The following FBXO21 variants were observed in gnomAD, a reference collection of about 807,000 sequenced individuals.
FBXO21 encodes F-box only protein 21.
Under a neutral mutation model 76.6 loss-of-function variants are expected in FBXO21, and 32 were observed. The ratio of observed to expected loss-of-function variants is 0.42; its 90% confidence interval spans 0.32 to 0.56. The LOEUF is 0.56. Among genes scored for constraint, FBXO21 ranks in the 20% least tolerant of loss-of-function variants. FBXO21 has a pLI of 0.16. For synonymous variants in FBXO21, 328 were observed against 311.5 expected (o/e 1.05, Z -0.56); for missense variants, 586 against 797.3 (o/e 0.73, Z 3.19).
chr12:117,149,144 G>A (rs547529608), intron 11 of FBXO21, among the ~76,000 whole-genome samples: 106 of 152,124 alleles, frequency 7.0e-4, no homozygotes, highest in Non-Finnish European at 1.0e-3. Context: ...CAGGCCACCT[G>A]CCAGGGCCCT....
At position 117,158,073 on chromosome 12, in the gene FBXO21, A is replaced by G; in HGVS notation, c.1327-10T>C. 6.2e-7 allele frequency: 1 copy of G among 1,613,894 alleles called. No homozygotes were observed. Among genetic ancestry groups the G allele is most frequent in the Non-Finnish European group, 8.5e-7 (1 of 1,179,910 alleles). On this transcript the variant is annotated splice_polypyrimidine_tract_variant and intron_variant, in intron 9 of 11. Coordinates refer to ENST00000622495, the MANE Select transcript of FBXO21 (RefSeq NM_015002.3). Reference sequence around the variant, plus strand: ...GGAGGATGTCAAGCACCTTCAAAACAAGACAGAAAGACTAAAAGATAATAT... The same window carrying G: ...GGAGGATGTCAAGCACCTTCAAAACGAGACAGAAAGACTAAAAGATAATAT...
chr12:117,172,809 C>T (rs1270419853), intron 6 of FBXO21, among the ~76,000 whole-genome samples: 1 of 152,010 alleles, frequency 6.6e-6, no homozygotes, highest in Non-Finnish European at 1.5e-5. Flanking sequence ...TTTTGTACAG[C>T]CTGTGTAAGA....
At chr12:117,177,733 C>T in intron 3 of FBXO21, 92 bp from the exon 4 acceptor site, 1 of 1,034,872 alleles carries the variant, frequency 9.7e-7, no homozygotes, top group South Asian at 1.6e-5. Flanking sequence ...GTTTGCTTAA[C>T]AAGAAAAATA....
chr12:117,147,423 A>C (rs1353781324), intron 11 of FBXO21, among the ~76,000 whole-genome samples: 1 of 150,774 alleles, frequency 6.6e-6, no homozygotes, highest in Non-Finnish European at 1.5e-5. Flanking sequence ...AGATGGTAAA[A>C]CTCCATCTCT....
In FBXO21 at chr12:117,145,321, C is replaced by G. The variant is rs1343924262; in HGVS notation, c.*766G>C. 1.3e-5 allele frequency: 2 copies of G among 151,652 alleles called. No individual in the cohort carries two copies. Among genetic ancestry groups the G allele is most frequent in the Non-Finnish European group, 2.9e-5 (2 of 67,918 alleles). The allele number at this position is 151,652 out of a possible 1,614,324, so 9.4% of individuals were successfully genotyped here. On this transcript the variant is annotated 3_prime_UTR_variant, in exon 12 of 12. Coordinates refer to ENST00000622495, the MANE Select transcript of FBXO21 (RefSeq NM_015002.3). ...AATTGTAGATGAGTATGGAAAAATCCATTCACAAAGTTCACTATTTGCATT... is the reference window on the plus strand; with the variant it reads ...AATTGTAGATGAGTATGGAAAAATCGATTCACAAAGTTCACTATTTGCATT...
intron 3 of FBXO21, among the ~76,000 whole-genome samples, chr12:117,179,427 T>C (rs1592893652): frequency 1.3e-5 from 2 of 152,188 alleles, no homozygotes; most frequent in East Asian, 3.9e-4. Flanking sequence ...CTTCTAAATC[T>C]CTTAATCTAC....
intron 2 of FBXO21, chr12:117,188,713 G>C (rs891482036): frequency 2.0e-5 from 3 of 150,874 alleles, no homozygotes; most frequent in African/African-American, 7.3e-5. Flanking sequence ...ATTCATTTCA[G>C]GGAGTAATAA....
intron 9 of FBXO21, among the ~76,000 whole-genome samples, chr12:117,162,700 A>G (rs1955995872): frequency 6.6e-6 from 1 of 152,114 alleles, no homozygotes; most frequent in Non-Finnish European, 1.5e-5. Context: ...TCTCCCTTTC[A>G]CTTGATAAAC....
chr12:117,164,262 ATCTTTTCTTTTCTTTTT>A lies in FBXO21; in HGVS notation c.1326+1206_1326+1222del, dbSNP rs1956021930. 2.0e-5 allele frequency among the ~76,000 whole-genome samples: 3 copies of A among 148,354 alleles called. No homozygotes were observed. The South Asian group carries it at 6.4e-4, about 31-fold the overall frequency. On this transcript the variant is annotated intron_variant, in intron 9 of 11. Transcript: ENST00000622495. ...ATTTTCTATGTGGGCTACAGATGACATCTTTTCTTTTCTTTTTTTTTTTTTTTTTTTTGAGACAGAGT... is the reference window on the plus strand; with the variant it reads ...ATTTTCTATGTGGGCTACAGATGACATTTTTTTTTTTTTTTGAGACAGAGT...
intron 2 of FBXO21, among the ~76,000 whole-genome samples, chr12:117,188,397 T>G (rs563452850): frequency 1.3e-5 from 2 of 152,082 alleles, no homozygotes; most frequent in Admixed American, 6.5e-5. Context: ...ATACAAAAAT[T>G]ATCCAGGTAT....
At chr12:117,178,598 C>G (rs1485264283) in intron 3 of FBXO21, among the ~76,000 whole-genome samples, 1 of 152,028 alleles carries the variant, frequency 6.6e-6, no homozygotes, top group Non-Finnish European at 1.5e-5. Context: ...CCTGCCACTC[C>G]CCCTCAGTCC....
At chr12:117,187,275 C>T (rs1178208638) in intron 2 of FBXO21, among the ~76,000 whole-genome samples, 1 of 147,158 alleles carries the variant, frequency 6.8e-6, no homozygotes, top group African/African-American at 2.5e-5. Context: ...ACAAAATTAG[C>T]CAGGCGTAGT....
intron 8 of FBXO21, among the ~76,000 whole-genome samples, chr12:117,166,058 C>T (rs779142662): frequency 2.0e-4 from 31 of 151,978 alleles, no homozygotes; most frequent in Admixed American, 1.3e-3. Context: ...GGCGTGGTGG[C>T]GCATGCCTGT....
chr12:117,168,234 G>C (rs1230137895), intron 7 of FBXO21, among the ~76,000 whole-genome samples: 1 of 152,140 alleles, frequency 6.6e-6, no homozygotes, highest in African/African-American at 2.4e-5. Flanking sequence ...CCTACCCTTA[G>C]CAAGGATATA....
intron 7 of FBXO21, among the ~76,000 whole-genome samples, chr12:117,168,549 A>T (rs1303536961): frequency 6.6e-6 from 1 of 152,060 alleles, no homozygotes. Flanking sequence ...AATAAAATAA[A>T]TAAACCTATG....
At chr12:117,147,419 T>C (rs928121965) in intron 11 of FBXO21, among the ~76,000 whole-genome samples, 1 of 148,544 alleles carries the variant, frequency 6.7e-6, no homozygotes, top group Admixed American at 6.7e-5. Context: ...GCCAAGATGG[T>C]AAAACTCCAT....
intron 7 of FBXO21, among the ~76,000 whole-genome samples, chr12:117,167,581 C>CTACTAAAAA (rs112801775): frequency 0.2 from 30,143 of 151,690 alleles, 3,369 homozygotes; most frequent in East Asian, 0.42. Context: ...AACCCGGTCT[C>CTACTAAAAA]TACAAAAAAA....
At chr12:117,190,028 A>G (rs1381621823) in intron 1 of FBXO21, among the ~76,000 whole-genome samples, 190 bp downstream of exon 1, 1 of 151,870 alleles carries the variant, frequency 6.6e-6, no homozygotes, top group Non-Finnish European at 1.5e-5. Flanking sequence ...CCATTTGGGG[A>G]CCCGGGGGTC....
intron 11 of FBXO21, among the ~76,000 whole-genome samples, chr12:117,153,296 C>T (rs184651950): frequency 9.9e-5 from 15 of 152,238 alleles, no homozygotes; most frequent in East Asian, 3.9e-4. Context: ...GAGCAAGACA[C>T]GGCCCCCACG....
Sources: gnomAD v4.1 joint callset for allele counts (sites outside exome capture counted in the v4.1 genomes callset) on GRCh38, gnomAD v4.1.1 for gene constraint, MANE v1.5 for transcripts, NCBI Gene and HGNC (gene_info 2026-07-23, HGNC 2026-07-21) for gene names.